KCNIP4: variants seen among roughly 807,000 people sequenced by gnomAD.
KCNIP4 encodes the protein potassium voltage-gated channel interacting protein 4.
KCNIP4 carries 12 observed loss-of-function variants against 34.0 expected under a neutral mutation model. That is an observed-to-expected ratio of 0.35 (90% CI 0.23 to 0.57). KCNIP4 has a LOEUF of 0.57. Ranked by LOEUF, KCNIP4 falls within the 20% of genes least tolerant of loss-of-function variation. KCNIP4 has a pLI of 0.83. For missense variants in KCNIP4, 238 were observed against 311.7 expected, an observed-to-expected ratio of 0.76 and a Z score of 1.78; for synonymous variants, 124 against 102.2, an observed-to-expected ratio of 1.21 and a Z score of -1.29.
intron 1 of KCNIP4, among the ~76,000 whole-genome samples, chr4:20,925,499 AT>A (rs1729813826): frequency 6.6e-6 from 1 of 152,232 alleles, no homozygotes; most frequent in South Asian, 2.1e-4. Flanking sequence ...AGAAGCATGA[AT>A]AATCCACCTC....
intron 1 of KCNIP4, among the ~76,000 whole-genome samples, chr4:21,247,667 A>C (rs1257886557): frequency 7.1e-6 from 1 of 141,282 alleles, no homozygotes; most frequent in Admixed American, 7.4e-5. Flanking sequence ...ATATTTAGAT[A>C]TATCTATATA....
At chr4:21,073,028 A>T (rs1160773411) in intron 1 of KCNIP4, among the ~76,000 whole-genome samples, 1 of 152,158 alleles carries the variant, frequency 6.6e-6, no homozygotes. Flanking sequence ...TACAAGTGCC[A>T]TGCTGTTTTA....
Position 21,589,161 on chromosome 4 carries a change from T to C in KCNIP4, c.61+359410A>G, listed in dbSNP as rs1466491456. Among the ~76,000 whole-genome samples the C allele has an allele frequency of 8.8e-5, 3 of 34,110 alleles. No individual in the cohort carries two copies. In the East Asian group the frequency reaches 6.5e-3, roughly 74 times the overall value. 22.4% of individuals were successfully genotyped at this position (34,110 alleles called of 152,430 possible). ...GGGCACAAAAATGGAGGTGTGTATA[T>C]ATATATATATATATATATATATATA... is the stretch of plus-strand genomic sequence containing the variant. On this transcript the variant is annotated intron_variant, in intron 1 of 8. Coordinates refer to ENST00000382152, the MANE Select transcript of KCNIP4 (RefSeq NM_025221.6).
At position 21,271,936 on chromosome 4, in the gene KCNIP4, T is replaced by C. The variant is rs1209721845; in HGVS notation, c.62-389227A>G. 3.3e-5 allele frequency among the ~76,000 whole-genome samples: 5 copies of C among 152,190 alleles called. No individual in the cohort carries two copies. The South Asian group carries it at 8.3e-4, about 25-fold the overall frequency. On this transcript the variant is annotated intron_variant, in intron 1 of 8. Coordinates refer to ENST00000382152, the MANE Select transcript of KCNIP4 (RefSeq NM_025221.6). ...ATTAGATGCATTCAGAAAGAATTTA[T>C]GTGCTTTCTTCATCAGCAACCCCAT...
Position 20,860,911 on chromosome 4 carries a change from C to T in KCNIP4, c.164-10244G>A, listed in dbSNP as rs76477336. On this transcript the variant is annotated intron_variant, in intron 2 of 8. Transcript: ENST00000382152. ...GAAAAAGCTGCCTGGAGGAAGATTT[C>T]CAAAGCGAATTTTCATGGCACTGAT... Among the ~76,000 whole-genome samples, 24 of 152,300 alleles carry T rather than the reference C, an allele frequency of 1.6e-4. No individual in the cohort carries two copies. In the East Asian group the frequency reaches 4.1e-3, roughly 26 times the overall value.
chr4:21,873,154 T>C (rs1318843731), intron 1 of KCNIP4, among the ~76,000 whole-genome samples: 2 of 152,234 alleles, frequency 1.3e-5, no homozygotes, highest in Admixed American at 1.3e-4. Context: ...AAACCCAATC[T>C]CTTTGAATGT....
intron 1 of KCNIP4, among the ~76,000 whole-genome samples, chr4:21,596,692 C>T (rs1394135): frequency 0.81 from 123,112 of 152,064 alleles, 50,004 homozygotes; most frequent in East Asian, 0.97. Flanking sequence ...CCCTGAATTA[C>T]TCCGTTAGAA....
intron 3 of KCNIP4, among the ~76,000 whole-genome samples, chr4:20,772,293 G>T (rs13137029): frequency 0.063 from 9,510 of 152,060 alleles, 438 homozygotes; most frequent in East Asian, 0.2. Flanking sequence ...CAAAGTATTC[G>T]TTATTTGTTC....
chr4:20,919,115 GT>G lies in KCNIP4; in HGVS notation c.62-36407del, dbSNP rs569197833. Among the ~76,000 whole-genome samples, 65 of 152,294 alleles carry G rather than the reference GT, an allele frequency of 4.3e-4. No homozygotes were observed. In the East Asian group the frequency reaches 0.011, roughly 27 times the overall value. ...GATGTGAGAGGAAAAGATTATAATA[GT>G]TATAACAGCAACAGGTATATCATGT... On this transcript the variant is annotated intron_variant, in intron 1 of 8. Transcript: ENST00000382152.
chr4:21,869,331 C>A (rs531255447), intron 1 of KCNIP4, among the ~76,000 whole-genome samples: 63 of 152,258 alleles, frequency 4.1e-4, no homozygotes, highest in East Asian at 5.8e-4. Context: ...CAGAGCACAT[C>A]CTCTACCCAG....
intron 1 of KCNIP4, among the ~76,000 whole-genome samples, chr4:21,185,371 T>C (rs1202760695): frequency 6.7e-6 from 1 of 149,784 alleles, no homozygotes; most frequent in Non-Finnish European, 1.5e-5. Context: ...TTCCTCTTCC[T>C]CCTTTTCTGC....
intron 1 of KCNIP4, among the ~76,000 whole-genome samples, chr4:21,106,913 T>G (rs563712493): frequency 1.3e-5 from 2 of 151,466 alleles, no homozygotes; most frequent in Admixed American, 1.3e-4. Flanking sequence ...CAGTTTTGAG[T>G]GAGTTTCTTA....
At chr4:21,235,538 G>A (rs1301703553) in intron 1 of KCNIP4, among the ~76,000 whole-genome samples, 2 of 152,062 alleles carry the variant, frequency 1.3e-5, no homozygotes, top group Non-Finnish European at 2.9e-5. Flanking sequence ...CTCATCAAAC[G>A]TCCCTCCTCA....
chr4:21,661,893 C>T (rs1190127831), intron 1 of KCNIP4, among the ~76,000 whole-genome samples: 7 of 152,144 alleles, frequency 4.6e-5, no homozygotes, highest in African/African-American at 9.7e-5. Context: ...ACTAAACGTC[C>T]TTATTTCTAT....
chr4:20,783,111 T>C (rs111498518), intron 3 of KCNIP4, among the ~76,000 whole-genome samples: 2 of 152,174 alleles, frequency 1.3e-5, no homozygotes, highest in African/African-American at 2.4e-5. Flanking sequence ...AAGTTCCTCA[T>C]CTCCTTCTGA....
Position 21,200,897 on chromosome 4 carries a change from A to C in KCNIP4, c.62-318188T>G, listed in dbSNP as rs2059486. ...CCAATATTAAAATCAAATAGGCAGA[A>C]ATGCTGATTTCTACTTCTGATATAG... On this transcript the variant is annotated intron_variant, in intron 1 of 8. Transcript: ENST00000382152. Among the ~76,000 whole-genome samples, 1,454 of 152,228 alleles carry C rather than the reference A, an allele frequency of 9.6e-3. 24 individuals carry two copies. The highest frequency in any genetic ancestry group is 0.033 in the African/African-American group (1,377 of 41,548).
intron 1 of KCNIP4, among the ~76,000 whole-genome samples, chr4:21,106,941 G>T (rs1041156066): frequency 6.6e-6 from 1 of 151,246 alleles, no homozygotes; most frequent in Non-Finnish European, 1.5e-5. Flanking sequence ...GTTCTAGTTT[G>T]ATTGCACTGT....
At chr4:21,781,173 C>T (rs1407780509) in intron 1 of KCNIP4, among the ~76,000 whole-genome samples, 1 of 152,110 alleles carries the variant, frequency 6.6e-6, no homozygotes, top group African/African-American at 2.4e-5. Flanking sequence ...CCATGCTGTT[C>T]TCATGATAGT....
chr4:20,775,337 A>G (rs28515651), intron 3 of KCNIP4, among the ~76,000 whole-genome samples: 2,491 of 152,248 alleles, frequency 0.016, 56 homozygotes, highest in African/African-American at 0.057. Flanking sequence ...CAATGTAAAT[A>G]ACTCAAGATT....
Sources: gnomAD v4.1 joint callset for allele counts (sites outside exome capture counted in the v4.1 genomes callset) on GRCh38, gnomAD v4.1.1 for gene constraint, MANE v1.5 for transcripts, NCBI Gene and HGNC (gene_info 2026-07-23, HGNC 2026-07-21) for gene names.